ZCCHC7: variants seen among roughly 807,000 people sequenced by gnomAD.
ZCCHC7 encodes the protein zinc finger CCHC-type containing 7, also known as zinc finger CCHC domain-containing protein 7.
ZCCHC7 carries 35 observed loss-of-function variants against 52.0 expected under a neutral mutation model. The observed-to-expected ratio is 0.67, with a 90% CI of 0.51 to 0.89. The LOEUF is 0.89. Ranked by LOEUF, ZCCHC7 falls within the 40% of genes least tolerant of loss-of-function variation. The pLI, the probability that ZCCHC7 is intolerant of heterozygous loss-of-function variation, is 0.00. For missense variants in ZCCHC7, 574 were observed against 649.1 expected, an observed-to-expected ratio of 0.88 and a Z score of 1.26; for synonymous variants, 217 against 221.5, an observed-to-expected ratio of 0.98 and a Z score of 0.18.
intron 2 of ZCCHC7, among the ~76,000 whole-genome samples, chr9:37,263,009 T>C (rs1826938090): frequency 1.3e-5 from 2 of 152,216 alleles, no homozygotes; most frequent in Admixed American, 6.5e-5. Context: ...TCATAGAAGA[T>C]TTTTTGTTAC....
intron 2 of ZCCHC7, among the ~76,000 whole-genome samples, chr9:37,231,714 A>G (rs943018475): frequency 1.3e-5 from 2 of 152,162 alleles, no homozygotes; most frequent in Non-Finnish European, 2.9e-5. Context: ...AGTATTTATC[A>G]TTTAAAACTG....
intron 2 of ZCCHC7, among the ~76,000 whole-genome samples, chr9:37,206,335 T>A (rs1189226037): frequency 2.0e-4 from 27 of 134,788 alleles, no homozygotes; most frequent in African/African-American, 7.4e-4. Context: ...CACTTCTCTC[T>A]CATTCCTCTT....
intron 2 of ZCCHC7, among the ~76,000 whole-genome samples, chr9:37,262,899 G>T (rs1248979385): frequency 6.6e-6 from 1 of 152,064 alleles, no homozygotes; most frequent in Non-Finnish European, 1.5e-5. Context: ...CTAAATTCTT[G>T]AGATTTACTT....
intron 7 of ZCCHC7, among the ~76,000 whole-genome samples, chr9:37,351,965 C>A (rs1821407071): frequency 6.6e-6 from 1 of 152,176 alleles, no homozygotes; most frequent in South Asian, 2.1e-4. Context: ...AGCCTCATGA[C>A]TGCCATAGAT....
At chr9:37,327,775 C>T (rs1830308873) in intron 5 of ZCCHC7, 24 bp from the exon 6 acceptor site, 1 of 1,612,666 alleles carries the variant, frequency 6.2e-7, no homozygotes, top group Admixed American at 1.7e-5. Flanking sequence ...ATGCTCCCAG[C>T]TGATCAATAT....
intron 2 of ZCCHC7, among the ~76,000 whole-genome samples, chr9:37,257,469 T>G (rs1380933310): frequency 6.6e-6 from 1 of 152,194 alleles, no homozygotes; most frequent in Non-Finnish European, 1.5e-5. Flanking sequence ...GAGCCAGATA[T>G]GACAACTCAA....
At chr9:37,259,726 T>G (rs1179158249) in intron 2 of ZCCHC7, among the ~76,000 whole-genome samples, 1 of 151,968 alleles carries the variant, frequency 6.6e-6, no homozygotes, top group Non-Finnish European at 1.5e-5. Flanking sequence ...TATTTAAATA[T>G]TCTTTCTGCT....
intron 2 of ZCCHC7, among the ~76,000 whole-genome samples, chr9:37,150,348 T>A (rs1820449670): frequency 1.3e-5 from 2 of 152,354 alleles, no homozygotes; most frequent in East Asian, 3.8e-4. Flanking sequence ...TAACTATATA[T>A]ATGTGGAAGC....
intron 2 of ZCCHC7, among the ~76,000 whole-genome samples, chr9:37,252,179 T>C (rs1274092118): frequency 1.3e-5 from 2 of 152,194 alleles, no homozygotes; most frequent in East Asian, 1.9e-4. Context: ...GATTTTCCAT[T>C]GCTCTGAAAC....
At chr9:37,213,296 G>A (rs1158170225) in intron 2 of ZCCHC7, among the ~76,000 whole-genome samples, 1 of 152,126 alleles carries the variant, frequency 6.6e-6, no homozygotes, top group African/African-American at 2.4e-5. Context: ...TTATTTCCTT[G>A]TTTAAAGGGG....
intron 2 of ZCCHC7, among the ~76,000 whole-genome samples, chr9:37,238,690 A>G (rs1243365818): frequency 3.9e-5 from 6 of 152,114 alleles, no homozygotes; most frequent in African/African-American, 1.4e-4. Flanking sequence ...ACTGTTTCTC[A>G]CCTGGTTGAT....
intron 2 of ZCCHC7, among the ~76,000 whole-genome samples, chr9:37,299,687 T>C (rs1365886366): frequency 1.3e-5 from 2 of 152,224 alleles, no homozygotes; most frequent in Non-Finnish European, 2.9e-5. Context: ...CTTGGAGCCA[T>C]GGCAGGGACA....
rs1249569457 is a variant in ZCCHC7 at position 37,206,330 on chromosome 9, C to G, written c.610+79388C>G. ...TCCCTCTCCCTCCTCCTCCCCACTTCTCTCTCATTCCTCTTCCCTCCCGCC... is the reference window on the plus strand; with the variant it reads ...TCCCTCTCCCTCCTCCTCCCCACTTGTCTCTCATTCCTCTTCCCTCCCGCC... On this transcript the variant is annotated intron_variant, in intron 2 of 8. Transcript: ENST00000336755. 9.6e-5 allele frequency among the ~76,000 whole-genome samples: 14 copies of G among 145,144 alleles called. No homozygotes were observed. The East Asian group carries it at 2.8e-3, about 29-fold the overall frequency.
At chr9:37,276,160 T>A (rs940181167) in intron 2 of ZCCHC7, among the ~76,000 whole-genome samples, 2 of 152,238 alleles carry the variant, frequency 1.3e-5, no homozygotes, top group African/African-American at 4.8e-5. Context: ...TGTTTATTGA[T>A]CACTTAGATA....
At chr9:37,296,821 T>C (rs1053367927) in intron 2 of ZCCHC7, among the ~76,000 whole-genome samples, 4 of 150,948 alleles carry the variant, frequency 2.6e-5, no homozygotes, top group African/African-American at 9.8e-5. Flanking sequence ...CAAGCCCTCC[T>C]CCCACCTCAG....
At chr9:37,333,349 A>T (rs1830522516) in intron 6 of ZCCHC7, among the ~76,000 whole-genome samples, 1 of 151,684 alleles carries the variant, frequency 6.6e-6, no homozygotes, top group African/African-American at 2.4e-5. Context: ...TAGATATTAG[A>T]TGTTCAATAA....
chr9:37,291,754 T>A (rs1314549307), intron 2 of ZCCHC7, among the ~76,000 whole-genome samples: 1 of 152,080 alleles, frequency 6.6e-6, no homozygotes, highest in African/African-American at 2.4e-5. Flanking sequence ...AGTGCAATGG[T>A]GCAATCTTGG....
chr9:37,303,655 C>CTTTTTTTTTTTTTTTTT, intron 3 of ZCCHC7, among the ~76,000 whole-genome samples: 1 of 56,752 alleles, frequency 1.8e-5, no homozygotes, highest in Non-Finnish European at 3.0e-5. Flanking sequence ...TTTTCTACCT[C>CTTTTTTTTTTTTTTTTT]TTTTTTTTTT....
chr9:37,340,820 T>C (rs575059279), intron 6 of ZCCHC7, among the ~76,000 whole-genome samples: 2 of 152,328 alleles, frequency 1.3e-5, no homozygotes, highest in South Asian at 4.1e-4. Context: ...TAGGCTGATT[T>C]CATTCCTATT....
Sources: allele counts gnomAD v4.1 joint callset (sites outside exome capture counted in the v4.1 genomes callset), GRCh38; gene constraint gnomAD v4.1.1; transcripts MANE v1.5; gene names NCBI Gene and HGNC (gene_info 2026-07-23, HGNC 2026-07-21).